Variants in CPNE7 observed in about 807,000 individuals in gnomAD.
CPNE7 encodes copine 7.
CPNE7 carries 78 observed loss-of-function variants against 66.5 expected under a neutral mutation model. The ratio of observed to expected loss-of-function variants is 1.17; its 90% CI spans 0.98 to 1.42. The LOEUF (loss-of-function observed/expected upper bound fraction) is 1.42. CPNE7 is among the 40% of genes most tolerant of loss of function. The probability of loss-of-function intolerance (pLI) is 0.00; values close to 1 mark genes in which losing one functional copy is unlikely to be tolerated. For missense variants in CPNE7, 1,012 were observed against 776.6 expected (o/e 1.30, Z -3.60); for synonymous variants, 468 against 336.7 (o/e 1.39, Z -4.27).
rs781074082 is a variant in CPNE7, at chr16:89,596,567, C to T, written c.1623C>T (p.Pro541=). ...VVEYYSHRGL[P]PRSLGVPAGE... ...AGTACTACAGCCACAGAGGCCTGCC[C>T]CCGAGAAGCCTGGGTGTCCCTGCCG... The change falls in exon 15 of 15, where the codon CCC becomes CCT. Residue 541 remains proline (P), a synonymous_variant. Transcript: ENST00000319518. 3.1e-6 allele frequency: 5 copies of T among 1,608,726 alleles called. No individual in the cohort carries two copies. The African/African-American group carries it at 4.0e-5, about 13-fold the overall frequency.
rs1263368262 is a variant in CPNE7 at position 89,588,746 on chromosome 16, C to G, written c.999C>G (p.Tyr333Ter). 2.5e-6 allele frequency: 4 copies of G among 1,613,748 alleles called. No individual in the cohort carries two copies. The highest frequency in any genetic ancestry group is 2.2e-5 in the East Asian group (1 of 44,886). ...NSCSLHYINP[Y>*]QPNEYLKALV... ...GCTCCCTGCACTACATCAACCCCTACCAGCCGAACGAGTACCTGAAGGCAC... is the reference window on the plus strand; with the variant it reads ...GCTCCCTGCACTACATCAACCCCTAGCAGCCGAACGAGTACCTGAAGGCAC... Residue 333 changes from tyrosine to a stop codon, truncating the protein, a stop_gained, in exon 10 of 15, where the codon TAC (tyrosine) becomes TAG (stop). Coordinates refer to ENST00000319518, the MANE Select transcript of CPNE7 (RefSeq NM_153636.3). LOFTEE classifies it high-confidence loss of function.
chr16:89,596,727 C>T lies in CPNE7; in HGVS notation c.*106C>T, dbSNP rs1370611000. ...GCTCCCTCCGACCTCCCAGAAGCCT[C>T]CAGTCCCCACCAGGCCCCACTCCCA... On this transcript the variant is annotated 3_prime_UTR_variant, in exon 15 of 15. Coordinates refer to ENST00000319518, the MANE Select transcript of CPNE7 (RefSeq NM_153636.3). The T allele has an allele frequency of 7.9e-7, 1 of 1,269,910 alleles. No individual in the cohort carries two copies. The highest frequency in any genetic ancestry group is 1.0e-6 in the Non-Finnish European group (1 of 975,136). The allele number at this position is 1,269,910 out of a possible 1,614,324, so 78.7% of individuals were successfully genotyped here. A position where few individuals can be genotyped will look rare whatever the true frequency, so the allele number is the denominator to read the frequency against.
rs1255455980 is a variant in CPNE7, at chr16:89,591,828, G to A, written c.1302+568G>A. Among the ~76,000 whole-genome samples, 146 of 151,960 alleles carry A rather than the reference G, an allele frequency of 9.6e-4. 1 individual carries two copies. The highest frequency in any genetic ancestry group is 3.3e-3 in the African/African-American group (137 of 41,382). The stretch of plus-strand genomic sequence containing the variant: ...CCATTCTCCTGCCTCAGCCTCCCAA[G>A]GAGCTGGGACTACAGGCGCCCGCCA... On this transcript the variant is annotated intron_variant, in intron 13 of 14. Transcript: ENST00000319518.
In CPNE7 at chr16:89,595,367, C is replaced by T. The variant is rs754661923; in HGVS notation, c.1303C>T (p.Gln435Ter). Residue 435 changes from glutamine to a stop codon, truncating the protein, a stop_gained and splice_region_variant, in exon 14 of 15, where the codon CAA becomes TAA. Transcript: ENST00000319518. LOFTEE classifies it high-confidence loss of function. ...GCTGATGCCTTTCCTGTGCCCCCAG[C>T]AATACTACATCCTGCTGATCCTGAC... ...AAEESTGKASQYYILLILTDG... is the reference protein window; with the variant it reads ...AAEESTGKAS 3 of 1,563,540 alleles carry T rather than the reference C, an allele frequency of 1.9e-6. No homozygotes were observed. Among genetic ancestry groups the T allele is most frequent in the South Asian group, 2.4e-5 (2 of 83,442 alleles).
intron 13 of CPNE7, among the ~76,000 whole-genome samples, chr16:89,594,894 C>T (rs561355171): frequency 1.8e-4 from 27 of 152,032 alleles, no homozygotes; most frequent in African/African-American, 2.9e-4. Flanking sequence ...TCAGGTGATC[C>T]GCCCGCCTCG....
In CPNE7 at chr16:89,587,109, C is replaced by T. The variant is rs749328078; in HGVS notation, c.927+7C>T. 1.3e-6 allele frequency: 2 copies of T among 1,537,286 alleles called. No homozygotes were observed. Among genetic ancestry groups the T allele is most frequent in the Non-Finnish European group, 1.8e-6 (2 of 1,139,220 alleles). On this transcript the variant is annotated splice_region_variant and intron_variant, in intron 9 of 14. Coordinates refer to ENST00000319518, the MANE Select transcript of CPNE7 (RefSeq NM_153636.3). ...CTGCCAGATCCACTTCACCGTGAGTCCATGGCCCCGCCCCATGCCGCCCCC... is the reference window on the plus strand; with the variant it reads ...CTGCCAGATCCACTTCACCGTGAGTTCATGGCCCCGCCCCATGCCGCCCCC...
chr16:89,597,128 T>G lies in CPNE7; in HGVS notation c.*507T>G, dbSNP rs2059268611. The G allele has an allele frequency of 6.5e-6, 1 of 153,466 alleles. No homozygotes were observed. The highest frequency in any genetic ancestry group is 6.5e-5 in the Admixed American group (1 of 15,308). 9.5% of individuals were successfully genotyped at this position (153,466 alleles called of 1,614,324 possible). A position where few individuals can be genotyped will look rare whatever the true frequency, so the allele number is the denominator to read the frequency against. On this transcript the variant is annotated 3_prime_UTR_variant, in exon 15 of 15. Coordinates refer to ENST00000319518, the MANE Select transcript of CPNE7 (RefSeq NM_153636.3). ...CCCCACACCCACCTACCCTGTGCTT[T>G]TTGCCGTCGGGCCTCTGCACCTGGG...
rs1304710914 is a variant in CPNE7 at position 89,584,129 on chromosome 16, G to A, written c.507+27G>A. 6.3e-7 allele frequency: 1 copy of A among 1,597,866 alleles called. No homozygotes were observed. The highest frequency in any genetic ancestry group is 8.5e-7 in the Non-Finnish European group (1 of 1,173,684). ...TGAGTGCAGGTGCCGGGCACGCCTG[G>A]CTCAGGCTGAGGTCCGGGAACCGGT... On this transcript the variant is annotated intron_variant, in intron 4 of 14. Transcript: ENST00000319518. This position sits in a 1 kb window ranked among gnomAD's most constrained non-coding sequence, Gnocchi z 6.0.
chr16:89,578,987 T>A, intron 2 of CPNE7: 1 of 1,600,568 alleles, frequency 6.2e-7, no homozygotes, highest in African/African-American at 1.3e-5. Context: ...GGTCCTTCTT[T>A]TTTATTGAGG....
rs1398518499 is a variant in CPNE7, at chr16:89,584,190, G to T, written c.507+88G>T. 2.7e-5 allele frequency: 37 copies of T among 1,355,654 alleles called. No individual in the cohort carries two copies. The highest frequency in any genetic ancestry group is 3.8e-5 in the Non-Finnish European group (37 of 979,308). The allele number at this position is 1,355,654 out of a possible 1,614,324, so 84.0% of individuals were successfully genotyped here. A position where few individuals can be genotyped will look rare whatever the true frequency, so the allele number is the denominator to read the frequency against. On this transcript the variant is annotated intron_variant, in intron 4 of 14. Coordinates refer to ENST00000319518, the MANE Select transcript of CPNE7 (RefSeq NM_153636.3). This position sits in a 1 kb window ranked among gnomAD's most constrained non-coding sequence, Gnocchi z 6.0. ...GGTCCCTGCCCAGCGCTGACCTCGCGTGGCTATGTCCCGTGTGAGACGTGT... is the reference window on the plus strand; with the variant it reads ...GGTCCCTGCCCAGCGCTGACCTCGCTTGGCTATGTCCCGTGTGAGACGTGT...
Position 89,591,117 on chromosome 16 carries a change from C to A in CPNE7, c.1169-10C>A. 1.2e-6 allele frequency: 2 copies of A among 1,612,564 alleles called. No individual in the cohort carries two copies. The highest frequency in any genetic ancestry group is 1.7e-6 in the Non-Finnish European group (2 of 1,179,584). On this transcript the variant is annotated splice_polypyrimidine_tract_variant and intron_variant, in intron 12 of 14. Coordinates refer to ENST00000319518, the MANE Select transcript of CPNE7 (RefSeq NM_153636.3). The stretch of plus-strand genomic sequence containing the variant: ...GCAGGGGGGCCGGGCTCACCCCCTG[C>A]CCCCCACAGGCATCCAGGGCGTGGT...
chr16:89,589,277 G>A (rs1245045247), intron 10 of CPNE7, among the ~76,000 whole-genome samples: 1 of 152,206 alleles, frequency 6.6e-6, no homozygotes, highest in African/African-American at 2.4e-5. Context: ...GGGTGACAGA[G>A]CAAGACTCCG....
rs779849735 is a variant in CPNE7, at chr16:89,587,048, C to T, written c.873C>T (p.His291=). Residue 291 remains histidine (H), a synonymous_variant, in exon 9 of 15, where the codon CAC becomes CAT. Transcript: ENST00000319518. ...CTGACTCCGCCGGCCGGAAGTTCCA[C>T]AGGGTGTACTCCTTCCTGGACTATA... ...GVVVLADLKF[H]RVYSFLDYIM... The T allele has an allele frequency of 1.4e-5, 22 of 1,580,238 alleles. No homozygotes were observed. The highest frequency in any genetic ancestry group is 1.7e-4 in the Middle Eastern group (1 of 5,928).
At position 89,585,526 on chromosome 16, in the gene CPNE7, C is replaced by T. The variant is rs928530323; in HGVS notation, c.654C>T (p.Cys218=). ...TCAAAGTCTCTCTGAGTTCCCTCTG[C>T]AGCTGCGAGGAGACAAGGCCTCTAA... ...EAFKVSLSSL[C]SCEETRPLKC... Residue 218 remains cysteine, a synonymous_variant, in exon 6 of 15, where the codon TGC becomes TGT. Transcript: ENST00000319518. 2 of 1,611,846 alleles carry T rather than the reference C, an allele frequency of 1.2e-6. No homozygotes were observed. The highest frequency in any genetic ancestry group is 1.7e-6 in the Non-Finnish European group (2 of 1,179,378).
intron 10 of CPNE7, among the ~76,000 whole-genome samples, chr16:89,589,121 A>T (rs1347957629): frequency 6.6e-6 from 1 of 152,146 alleles, no homozygotes; most frequent in African/African-American, 2.4e-5. Context: ...GTGAAACCCC[A>T]TCTCTACTGA....
rs373641731 is a variant in CPNE7 at position 89,585,486 on chromosome 16, C to A, written c.614C>A (p.Pro205Gln). ...CAGGTGGTGAAGAACAACCTGAACC[C>A]GGTGTGGGAGGCCTTCAAAGTCTCT... is the stretch of plus-strand genomic sequence containing the variant. ...RTEVVKNNLN[P>Q]VWEAFKVSLS... Residue 205 changes from proline (P) to glutamine (Q), a missense_variant, in exon 6 of 15, where the codon CCG (proline) becomes CAG (glutamine). Transcript: ENST00000319518. The A allele has an allele frequency of 1.2e-6, 2 of 1,611,936 alleles. No homozygotes were observed. Among genetic ancestry groups the A allele is most frequent in the South Asian group, 2.2e-5 (2 of 90,820 alleles).
intron 14 of CPNE7, 51 bp downstream of exon 14, chr16:89,595,654 A>G: frequency 1.3e-6 from 2 of 1,497,486 alleles, no homozygotes; most frequent in South Asian, 2.4e-5. Context: ...GTCCCTGTTC[A>G]TGTCACTGCC....
In CPNE7 at chr16:89,591,204, A is replaced by G. The variant is rs755407316; in HGVS notation, c.1246A>G (p.Ile416Val). The G allele has an allele frequency of 3.8e-6, 6 of 1,596,886 alleles. No homozygotes were observed. The highest frequency in any genetic ancestry group is 5.1e-6 in the Non-Finnish European group (6 of 1,171,930). Residue 416 changes from isoleucine (I) to valine (V), a missense_variant, in exon 13 of 15, where the codon ATC (isoleucine) becomes GTC (valine). Ile to Val is a conservative substitution (Grantham distance 29). Transcript: ENST00000319518. ...QLYGPTNVAPIISKVARVAAA... is the reference protein window; with the variant it reads ...QLYGPTNVAPVISKVARVAAA... ...CTACGGCCCCACCAACGTGGCGCCC[A>G]TCATCTCCAAGGTGGCACGCGTGGC...
At chr16:89,585,430 G>A (rs757950652) in intron 5 of CPNE7, 34 bp from the exon 6 acceptor site, 2 of 1,512,128 alleles carry the variant, frequency 1.3e-6, no homozygotes, top group African/African-American at 1.4e-5. Flanking sequence ...CAGGGCCCTG[G>A]GCCTCCCCTG....
Sources: gnomAD v4.1 joint callset for allele counts (sites outside exome capture counted in the v4.1 genomes callset) on GRCh38, gnomAD v4.1.1 for gene constraint, Gnocchi (gnomAD v3.1) non-coding constraint, MANE v1.5 for transcripts, NCBI Gene and HGNC (gene_info 2026-07-23, HGNC 2026-07-21) for gene names.